The following GABRB1 variants were observed in gnomAD, a reference collection of about 807,000 sequenced individuals.
The protein encoded by GABRB1 is gamma-aminobutyric acid type A receptor subunit beta1.
A neutral mutation model predicts 51.6 loss-of-function variants in GABRB1; 17 were observed. That is an observed-to-expected ratio of 0.33 (90% CI 0.23 to 0.49). GABRB1 has a LOEUF of 0.49. Among genes scored for constraint, GABRB1 ranks in the 20% least tolerant of loss-of-function variants. The pLI is 0.99. For synonymous variants in GABRB1, 247 were observed against 218.9 expected (o/e 1.13, Z -1.14); for missense variants, 410 against 600.6 (o/e 0.68, Z 3.32).
chr4:47,094,810 G>A (rs1421716133), intron 3 of GABRB1, among the ~76,000 whole-genome samples: 1 of 151,534 alleles, frequency 6.6e-6, no homozygotes, highest in Non-Finnish European at 1.5e-5. Context: ...TTAATTAATA[G>A]TACAAAACAG....
rs991834648 is a variant in GABRB1, at chr4:47,078,059, G to A, written c.240+45575G>A. On this transcript the variant is annotated intron_variant, in intron 3 of 8. Transcript: ENST00000295454. ...GGCTGGAGTGCAATGGCATGACCTT[G>A]GCTCACCGCAACCTCTACCTTCCGG... 9.6e-5 allele frequency among the ~76,000 whole-genome samples: 14 copies of A among 146,452 alleles called. No individual in the cohort carries two copies. The South Asian group carries it at 3.0e-3, about 31-fold the overall frequency.
Position 47,355,902 on chromosome 4 carries a change from G to A in GABRB1, c.544+35693G>A, listed in dbSNP as rs149315050. ...CAACTTTCTAGATATATCATCTTAA[G>A]CCAATTATTTAACCCTTCTAAGTCT... On this transcript the variant is annotated intron_variant, in intron 5 of 8. Coordinates refer to ENST00000295454, the MANE Select transcript of GABRB1 (RefSeq NM_000812.4). Among the ~76,000 whole-genome samples, 11 of 152,232 alleles carry A rather than the reference G, an allele frequency of 7.2e-5. No homozygotes were observed. In the East Asian group the frequency reaches 2.1e-3, roughly 29 times the overall value.
chr4:47,066,563 G>A (rs4279178), intron 3 of GABRB1, among the ~76,000 whole-genome samples: 76,031 of 151,982 alleles, frequency 0.5, 19,464 homozygotes, highest in African/African-American at 0.6. Context: ...TGGTCACAGC[G>A]TTTTCATTTG....
intron 4 of GABRB1, among the ~76,000 whole-genome samples, chr4:47,312,172 A>G (rs1171054908): frequency 6.6e-6 from 1 of 152,046 alleles, no homozygotes; most frequent in Non-Finnish European, 1.5e-5. Context: ...TTAAATATCA[A>G]TATGACCGTT....
intron 3 of GABRB1, among the ~76,000 whole-genome samples, chr4:47,123,312 T>A (rs1245299447): frequency 7.5e-6 from 1 of 133,438 alleles, no homozygotes; most frequent in East Asian, 2.1e-4. Flanking sequence ...ATGTATTATA[T>A]AATATTATAT....
intron 5 of GABRB1, among the ~76,000 whole-genome samples, chr4:47,386,772 T>G (rs1272793351): frequency 6.6e-6 from 1 of 152,180 alleles, no homozygotes; most frequent in Non-Finnish European, 1.5e-5. Context: ...CTGATGAAAT[T>G]GAAGCATTCT....
intron 4 of GABRB1, among the ~76,000 whole-genome samples, chr4:47,270,291 T>A (rs1181422949): frequency 6.6e-6 from 1 of 152,138 alleles, no homozygotes; most frequent in East Asian, 1.9e-4. Context: ...AAATGAGGAA[T>A]AATTCCTGCC....
rs573402469 is a variant in GABRB1 at position 47,033,385 on chromosome 4, C to T, written c.240+901C>T. On this transcript the variant is annotated intron_variant, in intron 3 of 8. Transcript: ENST00000295454. ...TCCGTCCACTGTGTGTAGGAGTTTT[C>T]TACTTAGAGTTTCTAACTGTTGCTT... 5.3e-5 allele frequency among the ~76,000 whole-genome samples: 8 copies of T among 152,274 alleles called. No individual in the cohort carries two copies. The East Asian group carries it at 1.5e-3, about 29-fold the overall frequency.
intron 3 of GABRB1, among the ~76,000 whole-genome samples, chr4:47,064,463 C>T (rs1268318584): frequency 1.3e-5 from 2 of 151,558 alleles, no homozygotes; most frequent in Non-Finnish European, 2.9e-5. Context: ...GGTGAAACTC[C>T]GTCTCTACTA....
chr4:47,300,282 A>G (rs921272762), intron 4 of GABRB1, among the ~76,000 whole-genome samples: 2 of 151,980 alleles, frequency 1.3e-5, no homozygotes, highest in African/African-American at 4.8e-5. Flanking sequence ...TGTTAATAGT[A>G]AAAAAACAAA....
chr4:47,216,795 G>A (rs552308556), intron 4 of GABRB1, among the ~76,000 whole-genome samples: 6 of 151,860 alleles, frequency 4.0e-5, no homozygotes, highest in African/African-American at 1.4e-4. Context: ...TTGATAAAAA[G>A]CTAAGTTATA....
chr4:47,098,157 C>CAA (rs1714540294), intron 3 of GABRB1, among the ~76,000 whole-genome samples: 1 of 47,568 alleles, frequency 2.1e-5, no homozygotes, highest in African/African-American at 6.1e-5. Context: ...TACAAACACA[C>CAA]ACACACACAC....
intron 4 of GABRB1, among the ~76,000 whole-genome samples, chr4:47,302,950 A>T (rs1304471980): frequency 6.6e-6 from 1 of 152,004 alleles, no homozygotes; most frequent in African/African-American, 2.4e-5. Flanking sequence ...AGTTCTATGT[A>T]TCATTTCCCT....
At chr4:47,103,586 T>G (rs970939294) in intron 3 of GABRB1, among the ~76,000 whole-genome samples, 1 of 152,014 alleles carries the variant, frequency 6.6e-6, no homozygotes, top group African/African-American at 2.4e-5. Context: ...CAATGAACGT[T>G]TAGATTAGAT....
intron 4 of GABRB1, among the ~76,000 whole-genome samples, chr4:47,266,154 A>G (rs1274875382): frequency 1.3e-5 from 2 of 152,170 alleles, no homozygotes; most frequent in African/African-American, 2.4e-5. Context: ...ATTTCTCTGC[A>G]TATGACTATC....
chr4:47,042,318 T>A (rs1263779694), intron 3 of GABRB1, among the ~76,000 whole-genome samples: 1 of 149,582 alleles, frequency 6.7e-6, no homozygotes, highest in Non-Finnish European at 1.5e-5. Context: ...AACAGCTTCA[T>A]CACATGGCAT....
intron 4 of GABRB1, among the ~76,000 whole-genome samples, chr4:47,262,387 A>G (rs1295547305): frequency 6.6e-6 from 1 of 152,236 alleles, no homozygotes; most frequent in African/African-American, 2.4e-5. Context: ...GGCAAAGGAT[A>G]TGAACAGACA....
At chr4:47,185,007 GCCTTC>G (rs1296913415) in intron 4 of GABRB1, among the ~76,000 whole-genome samples, 1 of 151,766 alleles carries the variant, frequency 6.6e-6, no homozygotes, top group African/African-American at 2.4e-5. Context: ...AGTGCAACAG[GCCTTC>G]CCACAGCCAC....
intron 3 of GABRB1, among the ~76,000 whole-genome samples, chr4:47,140,252 A>T (rs891639247): frequency 6.6e-6 from 1 of 151,978 alleles, no homozygotes; most frequent in Middle Eastern, 3.2e-3. Flanking sequence ...ATTTTGTCTG[A>T]CTTTTTCATA....
Sources: gnomAD v4.1 joint callset for allele counts (sites outside exome capture counted in the v4.1 genomes callset) on GRCh38, gnomAD v4.1.1 for gene constraint, MANE v1.5 for transcripts, NCBI Gene and HGNC (gene_info 2026-07-23, HGNC 2026-07-21) for gene names.